LAMA2: variants seen among roughly 807,000 people sequenced by gnomAD.
The protein encoded by LAMA2 is laminin subunit alpha 2, also known as laminin subunit alpha-2.
In LAMA2, 269 loss-of-function variants were observed where a neutral mutation model predicts 364.8. The ratio of observed to expected loss-of-function variants is 0.74; its 90% CI spans 0.67 to 0.82. The LOEUF (loss-of-function observed/expected upper bound fraction) is 0.82, where lower values mean the gene tolerates loss of function less well. Ranked by LOEUF, LAMA2 falls within the 40% of genes least tolerant of loss-of-function variation. The pLI is 0.00. For missense variants in LAMA2, 3,807 were observed against 3,873.2 expected (o/e 0.98, Z 0.45); for synonymous variants, 1,379 against 1,370.6 (o/e 1.01, Z -0.14).
At chr6:129,287,558 G>C (rs535305138) in intron 18 of LAMA2, among the ~76,000 whole-genome samples, 39 of 152,282 alleles carry the variant, frequency 2.6e-4, no homozygotes, top group African/African-American at 8.2e-4. Context: ...GATTCCTCCA[G>C]AGTGCCAGCA....
chr6:129,035,763 T>C (rs1284920955), intron 1 of LAMA2, among the ~76,000 whole-genome samples: 1 of 152,120 alleles, frequency 6.6e-6, no homozygotes, highest in Non-Finnish European at 1.5e-5. Flanking sequence ...CTTATTTTTA[T>C]TGACTTTGTC....
chr6:129,058,789 C>T (rs1016345151), intron 2 of LAMA2, among the ~76,000 whole-genome samples: 3 of 152,168 alleles, frequency 2.0e-5, no homozygotes, highest in African/African-American at 4.8e-5. Context: ...TGTATTTTAA[C>T]ATGCATAGCA....
At chr6:129,008,674 G>C (rs1472740788) in intron 1 of LAMA2, among the ~76,000 whole-genome samples, 1 of 152,040 alleles carries the variant, frequency 6.6e-6, no homozygotes, top group Non-Finnish European at 1.5e-5. Flanking sequence ...CAAATAAAGG[G>C]ATGTTAACCA....
intron 34 of LAMA2, among the ~76,000 whole-genome samples, chr6:129,381,963 A>G (rs1248532989): frequency 6.6e-6 from 1 of 152,164 alleles, no homozygotes; most frequent in Non-Finnish European, 1.5e-5. Context: ...TGCCCTTGGA[A>G]AATCACAAAA....
chr6:129,035,727 T>C (rs1786595968), intron 1 of LAMA2, among the ~76,000 whole-genome samples: 1 of 152,058 alleles, frequency 6.6e-6, no homozygotes, highest in South Asian at 2.1e-4. Context: ...TAGCCAGTTA[T>C]TAAATAGGGT....
At chr6:129,074,665 G>A (rs957955492) in intron 3 of LAMA2, among the ~76,000 whole-genome samples, 2 of 152,170 alleles carry the variant, frequency 1.3e-5, no homozygotes, top group African/African-American at 2.4e-5. Flanking sequence ...ACAAAAATCA[G>A]CATATTATCT....
chr6:129,464,450 C>T lies in LAMA2; in HGVS notation c.7153C>T (p.Leu2385=), dbSNP rs1281520681. Residue 2385 remains leucine, a splice_region_variant and synonymous_variant, in exon 50 of 65, where the codon CTG becomes TTG. Transcript: ENST00000421865. ...ALLMYLATRD[L]RDFMSVELTD... ...TCTGATGTATCTTGCCACACGAGACCTGGTAAAGATCATATGCATAGCAGA... is the reference window on the plus strand; with the variant it reads ...TCTGATGTATCTTGCCACACGAGACTTGGTAAAGATCATATGCATAGCAGA... 13 of 1,610,976 alleles carry T rather than the reference C, an allele frequency of 8.1e-6. No homozygotes were observed. The highest frequency in any genetic ancestry group is 1.0e-5 in the Non-Finnish European group (12 of 1,177,718).
intron 3 of LAMA2, among the ~76,000 whole-genome samples, chr6:129,092,947 C>T (rs1477715248): frequency 6.6e-6 from 1 of 152,140 alleles, no homozygotes; most frequent in Non-Finnish European, 1.5e-5. Flanking sequence ...CTCTGTAAAT[C>T]TCCAAAACAC....
chr6:129,344,893 G>A (rs542486978), intron 30 of LAMA2, among the ~76,000 whole-genome samples: 5 of 152,196 alleles, frequency 3.3e-5, no homozygotes, highest in African/African-American at 9.6e-5. Flanking sequence ...AGCCAATAAC[G>A]TTGGCACTGG....
intron 62 of LAMA2, among the ~76,000 whole-genome samples, chr6:129,511,200 A>G (rs1562639705): frequency 6.6e-6 from 1 of 152,104 alleles, no homozygotes; most frequent in East Asian, 1.9e-4. Context: ...AAAACATACA[A>G]TTCATCTTAA....
Position 129,514,611 on chromosome 6 carries a change from C to A in LAMA2, c.9211+16C>A, listed in dbSNP as rs1214741203. 2.5e-6 allele frequency: 4 copies of A among 1,586,166 alleles called. No homozygotes were observed. The South Asian group carries it at 3.3e-5, about 13-fold the overall frequency. ...GGCTTCCCAGGTGAGTGTTGGCTAC[C>A]CCAGCAACAATTTCTTTGCTCTCTT... is the stretch of plus-strand genomic sequence containing the variant. On this transcript the variant is annotated intron_variant, in intron 64 of 64. Coordinates refer to ENST00000421865, the MANE Select transcript of LAMA2 (RefSeq NM_000426.4).
At chr6:129,031,169 T>C (rs1176548834) in intron 1 of LAMA2, among the ~76,000 whole-genome samples, 1 of 152,216 alleles carries the variant, frequency 6.6e-6, no homozygotes, top group Non-Finnish European at 1.5e-5. Context: ...CTATAAACAC[T>C]GTCAAATCTC....
intron 34 of LAMA2, among the ~76,000 whole-genome samples, chr6:129,375,316 CT>C (rs943926798): frequency 6.6e-6 from 1 of 152,110 alleles, no homozygotes; most frequent in African/African-American, 2.4e-5. Flanking sequence ...TATTAAGATG[CT>C]TTTTGATGAT....
At chr6:129,377,881 A>C (rs1468176256) in intron 34 of LAMA2, among the ~76,000 whole-genome samples, 1 of 152,180 alleles carries the variant, frequency 6.6e-6, no homozygotes, top group African/African-American at 2.4e-5. Flanking sequence ...TACATTGTTC[A>C]GAAGTAAATT....
At chr6:128,942,150 G>C (rs182618098) in intron 1 of LAMA2, among the ~76,000 whole-genome samples, 1 of 152,058 alleles carries the variant, frequency 6.6e-6, no homozygotes, top group East Asian at 1.9e-4. Context: ...TTCAAGCTCT[G>C]TTTCGGACAT....
chr6:128,932,150 A>G (rs1260913055), intron 1 of LAMA2, among the ~76,000 whole-genome samples: 2 of 152,214 alleles, frequency 1.3e-5, no homozygotes, highest in Non-Finnish European at 2.9e-5. Flanking sequence ...AACAAGACTG[A>G]GTCATTCTTC....
intron 19 of LAMA2, among the ~76,000 whole-genome samples, chr6:129,289,941 A>T (rs1044744722): frequency 6.6e-6 from 1 of 152,156 alleles, no homozygotes; most frequent in East Asian, 1.9e-4. Context: ...TCTATGCATA[A>T]GTGGTAAAAC....
chr6:129,198,959 A>G (rs1042646902), intron 12 of LAMA2, among the ~76,000 whole-genome samples: 21 of 152,212 alleles, frequency 1.4e-4, no homozygotes, highest in African/African-American at 4.6e-4. Flanking sequence ...ATGCAAAATT[A>G]TACAAACTTT....
chr6:129,440,424 G>A (rs60378592), intron 42 of LAMA2, among the ~76,000 whole-genome samples: 3,838 of 151,932 alleles, frequency 0.025, 162 homozygotes, highest in African/African-American at 0.088. Flanking sequence ...AAATACGTTA[G>A]TTTCCCTCCA....
Sources: allele counts gnomAD v4.1 joint callset (sites outside exome capture counted in the v4.1 genomes callset), GRCh38; gene constraint gnomAD v4.1.1; transcripts MANE v1.5; gene names NCBI Gene and HGNC (gene_info 2026-07-23, HGNC 2026-07-21).